The following CCBE1 variants were observed in gnomAD, a reference collection of about 807,000 sequenced individuals.
The protein encoded by CCBE1 is collagen and calcium-binding EGF domain-containing protein 1.
Under a neutral mutation model 50.0 loss-of-function variants are expected in CCBE1, and 37 were observed. The ratio of observed to expected loss-of-function variants is 0.74; its 90% confidence interval spans 0.57 to 0.97. The LOEUF (loss-of-function observed/expected upper bound fraction) is 0.97. CCBE1 is among the 50% of genes least tolerant of loss of function. CCBE1 has a pLI of 0.00. For synonymous variants in CCBE1, 234 were observed against 203.7 expected (o/e 1.15, Z -1.27); for missense variants, 538 against 523.8 (o/e 1.03, Z -0.26).
intron 2 of CCBE1, among the ~76,000 whole-genome samples, chr18:59,644,400 G>C (rs1260888062): frequency 1.3e-5 from 2 of 152,182 alleles, no homozygotes; most frequent in African/African-American, 2.4e-5. Flanking sequence ...TTGATTCGAT[G>C]TGTAAGTTCT....
At chr18:59,524,228 G>A (rs1049948627) in intron 2 of CCBE1, among the ~76,000 whole-genome samples, 1 of 152,156 alleles carries the variant, frequency 6.6e-6, no homozygotes, top group East Asian at 1.9e-4. Context: ...GCTGAAGCAG[G>A]AGAATCGCTT....
At chr18:59,439,655 G>A in intron 8 of CCBE1, 22 bp downstream of exon 8, 3 of 1,614,190 alleles carry the variant, frequency 1.9e-6, no homozygotes, top group Non-Finnish European at 2.5e-6. Flanking sequence ...AAAAGGAAGT[G>A]GATCTCTGAT....
At position 59,585,327 on chromosome 18, in the gene CCBE1, ATGGCCATTTTACATTTT is replaced by A. The variant is rs545952331; in HGVS notation, c.213-105106_213-105090del. Reference sequence around the variant, plus strand: ...CACTTCAATGCTATCTGAAATCACAATGGCCATTTTACATTTTTGGCCATTTTACATTTATTTGGTGA... The same window carrying A: ...CACTTCAATGCTATCTGAAATCACAATGGCCATTTTACATTTATTTGGTGA... On this transcript the variant is annotated intron_variant, in intron 2 of 10. Transcript: ENST00000439986. 3.7e-3 allele frequency among the ~76,000 whole-genome samples: 563 copies of A among 152,174 alleles called. 2 individuals are homozygous for A. The highest frequency in any genetic ancestry group is 6.5e-3 in the Non-Finnish European group (441 of 68,012).
chr18:59,547,064 G>GAA (rs1568199177), intron 2 of CCBE1, among the ~76,000 whole-genome samples: 2 of 106,858 alleles, frequency 1.9e-5, no homozygotes, highest in Non-Finnish European at 3.8e-5. Context: ...GGAGAGAGGG[G>GAA]GAGAGAGGGG....
chr18:59,513,289 CAG>C (rs1424183893), intron 2 of CCBE1, among the ~76,000 whole-genome samples: 1 of 149,824 alleles, frequency 6.7e-6, no homozygotes, highest in Admixed American at 6.7e-5. Context: ...ACCTGGGTGA[CAG>C]AGAGACTGTC....
intron 6 of CCBE1, among the ~76,000 whole-genome samples, chr18:59,453,764 A>G (rs1911050503): frequency 6.6e-6 from 1 of 152,186 alleles, no homozygotes; most frequent in African/African-American, 2.4e-5. Context: ...AACAAACAAA[A>G]CAAGAAGATG....
intron 2 of CCBE1, among the ~76,000 whole-genome samples, chr18:59,507,666 G>C (rs1358035645): frequency 6.6e-6 from 1 of 152,152 alleles, no homozygotes; most frequent in Admixed American, 6.5e-5. Flanking sequence ...TGTCACATGA[G>C]AGTAGTTACC....
At chr18:59,673,712 G>C (rs2054463859) in intron 2 of CCBE1, among the ~76,000 whole-genome samples, 2 of 152,144 alleles carry the variant, frequency 1.3e-5, no homozygotes, top group African/African-American at 4.8e-5. Flanking sequence ...TGTGGTTTTT[G>C]TCATTGGTTC....
intron 2 of CCBE1, among the ~76,000 whole-genome samples, chr18:59,675,402 G>A (rs2144718309): frequency 6.6e-6 from 1 of 152,264 alleles, no homozygotes; most frequent in East Asian, 1.9e-4. Flanking sequence ...GGAAAACCAA[G>A]CAACAATAAC....
chr18:59,696,881 G>A (rs959897871), intron 1 of CCBE1, among the ~76,000 whole-genome samples, 172 bp from the exon 2 acceptor site: 3 of 152,208 alleles, frequency 2.0e-5, no homozygotes, highest in African/African-American at 4.8e-5. Flanking sequence ...ACAGGGACGA[G>A]CCACGCGAGG....
rs1464523916 is a variant in CCBE1, at chr18:59,573,282, C to CT, written c.213-93045dup. Among the ~76,000 whole-genome samples, 61 of 27,588 alleles carry CT rather than the reference C, an allele frequency of 2.2e-3. 1 individual carries two copies. Among genetic ancestry groups the CT allele is most frequent in the Middle Eastern group, 0.019 (1 of 52 alleles). 18.1% of individuals were successfully genotyped at this position (27,588 alleles called of 152,430 possible). ...CCTGGGCAATATAGTGAGACTCCGT[C>CT]TAATATATATATATATATATGTATG... is the stretch of plus-strand genomic sequence containing the variant. On this transcript the variant is annotated intron_variant, in intron 2 of 10. Transcript: ENST00000439986.
intron 2 of CCBE1, among the ~76,000 whole-genome samples, chr18:59,496,110 T>G (rs1179064585): frequency 1.3e-5 from 2 of 152,228 alleles, no homozygotes; most frequent in African/African-American, 2.4e-5. Flanking sequence ...TAAGAGATAG[T>G]GCCTTGGTGT....
intron 2 of CCBE1, among the ~76,000 whole-genome samples, chr18:59,521,851 AAAT>A (rs1555687136): frequency 6.6e-6 from 1 of 152,242 alleles, no homozygotes; most frequent in Non-Finnish European, 1.5e-5. Context: ...CTTATTTTCT[AAAT>A]AATAAACTAT....
At chr18:59,560,023 A>G (rs918013101) in intron 2 of CCBE1, among the ~76,000 whole-genome samples, 8 of 152,110 alleles carry the variant, frequency 5.3e-5, no homozygotes, top group African/African-American at 1.9e-4. Context: ...ACCATATGTC[A>G]TGGTCTTACT....
chr18:59,681,858 CA>C (rs2054592753), intron 2 of CCBE1, among the ~76,000 whole-genome samples: 1 of 152,224 alleles, frequency 6.6e-6, no homozygotes, highest in Non-Finnish European at 1.5e-5. Flanking sequence ...TCGAGATGAT[CA>C]CCCTTGTGTT....
chr18:59,552,819 T>G (rs1359417766), intron 2 of CCBE1, among the ~76,000 whole-genome samples: 1 of 152,196 alleles, frequency 6.6e-6, no homozygotes, highest in African/African-American at 2.4e-5. Context: ...CACCATACAC[T>G]TATGTCTTTG....
chr18:59,557,968 C>T (rs1234811807), intron 2 of CCBE1, among the ~76,000 whole-genome samples: 1 of 152,146 alleles, frequency 6.6e-6, no homozygotes, highest in African/African-American at 2.4e-5. Flanking sequence ...CTATCATAAC[C>T]ACTCCTGCAT....
intron 7 of CCBE1, among the ~76,000 whole-genome samples, chr18:59,446,567 T>C (rs986754400): frequency 2.0e-5 from 3 of 151,764 alleles, no homozygotes; most frequent in Non-Finnish European, 4.4e-5. Flanking sequence ...GGCTTGTGTT[T>C]GAAGAGTTTA....
intron 2 of CCBE1, among the ~76,000 whole-genome samples, chr18:59,680,702 A>G (rs2054577779): frequency 6.6e-6 from 1 of 152,004 alleles, no homozygotes; most frequent in African/African-American, 2.4e-5. Context: ...CCATCTCAAA[A>G]AAAAAAGAAA....
Sources: gnomAD v4.1 joint callset for allele counts (sites outside exome capture counted in the v4.1 genomes callset) on GRCh38, gnomAD v4.1.1 for gene constraint, MANE v1.5 for transcripts, NCBI Gene and HGNC (gene_info 2026-07-23, HGNC 2026-07-21) for gene names.